The following C3orf20 variants were observed in gnomAD, a reference collection of about 807,000 sequenced individuals.
The protein encoded by C3orf20 is family with sequence similarity 149 member C, also known as uncharacterized protein C3orf20.
C3orf20 carries 76 observed loss-of-function variants against 88.3 expected under a neutral mutation model. The observed-to-expected ratio is 0.86, with a 90% CI of 0.72 to 1.04. The LOEUF is 1.04. Ranked by LOEUF, C3orf20 falls within the 50% of genes least tolerant of loss-of-function variation. C3orf20 has a pLI of 0.00. For missense variants in C3orf20, 1,056 were observed against 1,123.3 expected, an observed-to-expected ratio of 0.94 and a Z score of 0.86; for synonymous variants, 436 against 437.4, an observed-to-expected ratio of 1.00 and a Z score of 0.04.
At chr3:14,676,690 A>G (rs2031789306) in intron 1 of C3orf20, among the ~76,000 whole-genome samples, 1 of 152,102 alleles carries the variant, frequency 6.6e-6, no homozygotes, top group African/African-American at 2.4e-5. Flanking sequence ...GGTCAAAGAG[A>G]TGGTCAATTT....
At position 14,714,087 on chromosome 3, in the gene C3orf20, T is replaced by C. The variant is rs2124959275; in HGVS notation, c.1241T>C (p.Ile414Thr). The change falls in exon 8 of 17, where the codon ATA becomes ACA. Residue 414 changes from isoleucine to threonine, a missense_variant. Ile to Thr is a moderately conservative substitution (Grantham distance 89). Coordinates refer to ENST00000253697, the MANE Select transcript of C3orf20 (RefSeq NM_032137.5). ...ACCATCACCTGCCTCTTTAATGACA[T>C]ACCTGGATTCTCCTTGCTGGCCCTA... ...GRTITCLFND[I>T]PGFSLLALFN... 1 of 1,614,102 alleles carries C rather than the reference T, an allele frequency of 6.2e-7. No individual in the cohort carries two copies. The highest frequency in any genetic ancestry group is 8.5e-7 in the Non-Finnish European group (1 of 1,180,006).
chr3:14,721,910 C>A, intron 10 of C3orf20, 126 bp downstream of exon 10: 8 of 1,240,692 alleles, frequency 6.4e-6, no homozygotes, highest in Non-Finnish European at 9.0e-6. Flanking sequence ...CTGCCTTTTC[C>A]TCTGCCATTA....
At chr3:14,685,493 CGT>C (rs1233005428) in intron 4 of C3orf20, among the ~76,000 whole-genome samples, 24 of 130,554 alleles carry the variant, frequency 1.8e-4, no homozygotes, top group Middle Eastern at 3.9e-3. Context: ...TGCGTGCGTG[CGT>C]GTGTGTGTGT....
intron 13 of C3orf20, among the ~76,000 whole-genome samples, chr3:14,759,501 T>A (rs776941042): frequency 6.6e-6 from 1 of 152,048 alleles, no homozygotes; most frequent in Non-Finnish European, 1.5e-5. Flanking sequence ...CTTTATGCTG[T>A]GTAAAGTAGA....
chr3:14,685,856 CTTTTTT>C (rs71038423), intron 4 of C3orf20, among the ~76,000 whole-genome samples: 1 of 68,380 alleles, frequency 1.5e-5, no homozygotes, highest in Non-Finnish European at 2.5e-5. Context: ...GCAGGATTTC[CTTTTTT>C]TTTTTTTTTT....
At chr3:14,692,887 C>A (rs558135127) in intron 5 of C3orf20, among the ~76,000 whole-genome samples, 1 of 152,172 alleles carries the variant, frequency 6.6e-6, no homozygotes, top group Non-Finnish European at 1.5e-5. Context: ...AGTCTTCAAT[C>A]CATTTTGATT....
chr3:14,765,609 TGGG>T (rs964139650), intron 15 of C3orf20: 1 of 152,340 alleles, frequency 6.6e-6, no homozygotes, highest in Non-Finnish European at 1.5e-5. Flanking sequence ...GCACAAGTGT[TGGG>T]GGGGAGTCCA....
chr3:14,726,287 G>A (rs1361927299), intron 10 of C3orf20, among the ~76,000 whole-genome samples: 1 of 152,226 alleles, frequency 6.6e-6, no homozygotes, highest in Non-Finnish European at 1.5e-5. Flanking sequence ...CTGGGCCTTT[G>A]TGGCCTGCAA....
intron 15 of C3orf20, among the ~76,000 whole-genome samples, chr3:14,762,406 G>A (rs1363602284): frequency 6.6e-6 from 1 of 152,240 alleles, no homozygotes; most frequent in Non-Finnish European, 1.5e-5. Flanking sequence ...TCCTAGTCCA[G>A]GAAGGAGCCT....
intron 5 of C3orf20, among the ~76,000 whole-genome samples, chr3:14,693,832 A>G (rs949940125): frequency 2.6e-4 from 39 of 152,206 alleles, no homozygotes; most frequent in Non-Finnish European, 3.5e-4. Context: ...TGAATCTGTC[A>G]TATATGGCTT....
intron 5 of C3orf20, among the ~76,000 whole-genome samples, chr3:14,691,929 T>C (rs1228037631): frequency 6.6e-6 from 1 of 152,240 alleles, no homozygotes; most frequent in Non-Finnish European, 1.5e-5. Flanking sequence ...GGTAACCATC[T>C]GCTCTCCATC....
chr3:14,735,648 C>T (rs1266531549), intron 12 of C3orf20, among the ~76,000 whole-genome samples: 4 of 151,576 alleles, frequency 2.6e-5, no homozygotes, highest in Non-Finnish European at 4.4e-5. Context: ...GGCTGGAGTG[C>T]GGTGGTGCCA....
At chr3:14,771,156 C>G (rs1311231916) in intron 15 of C3orf20, among the ~76,000 whole-genome samples, 1 of 152,200 alleles carries the variant, frequency 6.6e-6, no homozygotes, top group Non-Finnish European at 1.5e-5. Context: ...CAGAAGGACC[C>G]TCGCCCCTTT....
At chr3:14,729,485 T>C (rs542362200) in intron 12 of C3orf20, among the ~76,000 whole-genome samples, 9 of 152,268 alleles carry the variant, frequency 5.9e-5, no homozygotes, top group African/African-American at 2.2e-4. Flanking sequence ...GGCAGGAGTT[T>C]GGTCATGTAG....
At chr3:14,752,008 G>C (rs1038151498) in intron 12 of C3orf20, among the ~76,000 whole-genome samples, 2 of 152,110 alleles carry the variant, frequency 1.3e-5, no homozygotes, top group African/African-American at 4.8e-5. Flanking sequence ...AACCAAAAAA[G>C]AGCCCACATA....
chr3:14,681,136 A>C (rs535282895), intron 1 of C3orf20, among the ~76,000 whole-genome samples: 9 of 152,326 alleles, frequency 5.9e-5, no homozygotes, highest in Admixed American at 1.3e-4. Flanking sequence ...CTGTGCCAGG[A>C]GTCTGCAGAT....
At chr3:14,725,024 T>A (rs1012285504) in intron 10 of C3orf20, among the ~76,000 whole-genome samples, 1 of 152,228 alleles carries the variant, frequency 6.6e-6, no homozygotes, top group Non-Finnish European at 1.5e-5. Flanking sequence ...GAAGCTGATG[T>A]TGACCAAGAT....
intron 8 of C3orf20, 136 bp downstream of exon 8, chr3:14,714,295 C>T: frequency 1.1e-6 from 1 of 944,770 alleles, no homozygotes; most frequent in Non-Finnish European, 1.6e-6. Flanking sequence ...GGCAGTGAGG[C>T]AGGGCTGAGG....
intron 12 of C3orf20, among the ~76,000 whole-genome samples, chr3:14,732,372 G>C (rs1390838530): frequency 6.6e-6 from 1 of 151,948 alleles, no homozygotes; most frequent in East Asian, 1.9e-4. Context: ...CTTTATTCTG[G>C]GTATAAGTCT....
Sources: allele counts gnomAD v4.1 joint callset (sites outside exome capture counted in the v4.1 genomes callset), GRCh38; gene constraint gnomAD v4.1.1; transcripts MANE v1.5; gene names NCBI Gene and HGNC (gene_info 2026-07-23, HGNC 2026-07-21).